Variants in MAP3K4 observed in about 807,000 individuals in gnomAD.
The protein encoded by MAP3K4 is MAP three kinase 1.
Under a neutral mutation model 185.6 loss-of-function variants are expected in MAP3K4, and 67 were observed. The ratio of observed to expected loss-of-function variants is 0.36; its 90% confidence interval spans 0.30 to 0.44. The LOEUF is 0.44. MAP3K4 is among the 20% of genes least tolerant of loss of function. The pLI is 1.00. For synonymous variants in MAP3K4, 702 were observed against 710.4 expected (o/e 0.99, Z 0.19); for missense variants, 1,551 against 1,995.1 (o/e 0.78, Z 4.24).
intron 2 of MAP3K4, among the ~76,000 whole-genome samples, chr6:161,040,442 A>G (rs1472934895): frequency 3.3e-5 from 5 of 152,178 alleles, no homozygotes; most frequent in Admixed American, 3.3e-4. Flanking sequence ...TCAAAGCCCT[A>G]TTTATATTGC....
In MAP3K4 at chr6:161,093,800, A is replaced by G; in HGVS notation, c.3376A>G (p.Ile1126Val). 6.2e-7 allele frequency: 1 copy of G among 1,613,542 alleles called. No homozygotes were observed. Among genetic ancestry groups the G allele is most frequent in the Non-Finnish European group, 8.5e-7 (1 of 1,179,694 alleles). Residue 1126 changes from isoleucine to valine, a missense_variant, in exon 15 of 27, where the codon ATT (isoleucine) becomes GTT (valine). Ile to Val is a conservative substitution (Grantham distance 29). This residue lies in a region of MAP3K4 where 272 missense variants were observed against 301.2 expected (regional missense o/e 0.90). Coordinates refer to ENST00000392142, the MANE Select transcript of MAP3K4 (RefSeq NM_005922.4). This position sits in a 1 kb window ranked among gnomAD's most constrained non-coding sequence, Gnocchi z 5.2. ...TTTACAAGCCTTGATGAATGAATGC[A>G]TTGGCCATGTCATAGGAAAACCACA... ...LSLQALMNECIGHVIGKPHSP... is the reference protein window; with the variant it reads ...LSLQALMNECVGHVIGKPHSP...
At chr6:161,090,322 A>G (rs932983639) in intron 11 of MAP3K4, among the ~76,000 whole-genome samples, 5 of 152,214 alleles carry the variant, frequency 3.3e-5, no homozygotes, top group African/African-American at 1.2e-4. Flanking sequence ...ATTTGGAGCT[A>G]TTGTGATGTT....
intron 2 of MAP3K4, among the ~76,000 whole-genome samples, chr6:161,042,507 G>A (rs920546595): frequency 2.6e-5 from 4 of 152,082 alleles, no homozygotes; most frequent in African/African-American, 9.7e-5. Context: ...AACACCACAG[G>A]AGCTAGCTGC....
chr6:161,065,937 CAAAA>C (rs34648628), intron 3 of MAP3K4, among the ~76,000 whole-genome samples: 3 of 78,848 alleles, frequency 3.8e-5, no homozygotes, highest in Non-Finnish European at 2.4e-5. Context: ...GACTCCGTCT[CAAAA>C]AAAAAAAAAA....
intron 1 of MAP3K4, among the ~76,000 whole-genome samples, chr6:161,000,750 C>T (rs1276319213): frequency 6.6e-6 from 1 of 151,288 alleles, no homozygotes; most frequent in African/African-American, 2.4e-5. Context: ...TATATGTGTA[C>T]ACCCATCTGT....
At position 161,061,546 on chromosome 6, in the gene MAP3K4, C is replaced by T. The variant is rs1368794801; in HGVS notation, c.1708-9062C>T. Among the ~76,000 whole-genome samples the T allele has an allele frequency of 6.6e-6, 1 of 152,222 alleles. No individual in the cohort carries two copies. ...TGCAACCATCACCACTGCAACCATC[C>T]TCACTGTGTAACTTTGGAACATTTT... On this transcript the variant is annotated intron_variant, in intron 3 of 26. Coordinates refer to ENST00000392142, the MANE Select transcript of MAP3K4 (RefSeq NM_005922.4). This position sits in a 1 kb window ranked among gnomAD's most constrained non-coding sequence, Gnocchi z 4.2.
chr6:161,109,947 A>G lies in MAP3K4; in HGVS notation c.4396+33A>G. On this transcript the variant is annotated intron_variant, in intron 23 of 26. Transcript: ENST00000392142. The surrounding 1 kb of genome is among the most constrained non-coding windows in gnomAD (Gnocchi z 5.7). ...CACACCCGCCTGGCTGCTGTGGGCCAGAGCCACTGGTACCCAGCCCGTGGG... is the reference window on the plus strand; with the variant it reads ...CACACCCGCCTGGCTGCTGTGGGCCGGAGCCACTGGTACCCAGCCCGTGGG... The G allele has an allele frequency of 5.6e-6, 9 of 1,611,176 alleles. No individual in the cohort carries two copies. The highest frequency in any genetic ancestry group is 7.6e-6 in the Non-Finnish European group (9 of 1,178,532).
In MAP3K4 at chr6:161,115,083, G is replaced by A. The variant is rs746743082; in HGVS notation, c.4627-40G>A. ...GAACATTTGCGTTGTTTGTGGCTGT[G>A]TAATATTAAAATCTGATTTTTTAAA... On this transcript the variant is annotated intron_variant, in intron 25 of 26. Transcript: ENST00000392142. This position sits in a 1 kb window ranked among gnomAD's most constrained non-coding sequence, Gnocchi z 6.0. 1.6e-4 allele frequency: 243 copies of A among 1,545,416 alleles called. 4 individuals are homozygous for A. In the South Asian group the frequency reaches 2.5e-3, roughly 16 times the overall value.
In MAP3K4 at chr6:161,073,743, T is replaced by A; in HGVS notation, c.2097+131T>A. 2 of 919,168 alleles carry A rather than the reference T, an allele frequency of 2.2e-6. No individual in the cohort carries two copies. The highest frequency in any genetic ancestry group is 3.1e-6 in the Non-Finnish European group (2 of 637,682). 56.9% of individuals were successfully genotyped at this position (919,168 alleles called of 1,614,324 possible). ...GATAAACTTCTCTAGTAATGAATTA[T>A]AGAAATGATCCCTGAAAGTATAGCT... On this transcript the variant is annotated intron_variant, in intron 5 of 26. Transcript: ENST00000392142. This position sits in a 1 kb window ranked among gnomAD's most constrained non-coding sequence, Gnocchi z 4.2.
In MAP3K4 at chr6:161,058,137, G is replaced by A. The variant is rs187636585; in HGVS notation, c.1707+8158G>A. ...GTGGCAGAGCCAGGATATGAACCCA[G>A]AGCTCTGGCTGTAAAGCCATGTATG... On this transcript the variant is annotated intron_variant, in intron 3 of 26. Coordinates refer to ENST00000392142, the MANE Select transcript of MAP3K4 (RefSeq NM_005922.4). 2.0e-5 allele frequency among the ~76,000 whole-genome samples: 3 copies of A among 152,370 alleles called. No homozygotes were observed. In the East Asian group the frequency reaches 5.8e-4, roughly 29 times the overall value.
chr6:161,092,059 T>C lies in MAP3K4; in HGVS notation c.3185T>C (p.Ile1062Thr), dbSNP rs200509406. The C allele has an allele frequency of 1.7e-4, 269 of 1,613,528 alleles. No individual in the cohort carries two copies. Among genetic ancestry groups the C allele is most frequent in the Non-Finnish European group, 2.2e-4 (264 of 1,179,612 alleles). Residue 1062 changes from isoleucine (I) to threonine (T), a missense_variant, in exon 13 of 27, where the codon ATA becomes ACA. By Grantham distance (89) the Ile-to-Thr change is moderately conservative (BLOSUM62 -1). Coordinates refer to ENST00000392142, the MANE Select transcript of MAP3K4 (RefSeq NM_005922.4). Reference sequence around the variant, plus strand: ...ATGTCTGGGGAGTTTAGACAGAAGATAGGAGACAAATATATAAGCTTTGCC... The same window carrying C: ...ATGTCTGGGGAGTTTAGACAGAAGACAGGAGACAAATATATAAGCTTTGCC... ...RLMSGEFRQK[I>T]GDKYISFARK...
chr6:161,083,502 T>C (rs1785554268), intron 6 of MAP3K4, among the ~76,000 whole-genome samples: 2 of 152,190 alleles, frequency 1.3e-5, no homozygotes, highest in Non-Finnish European at 2.9e-5. Context: ...TCTTTGCTTA[T>C]CAAACGCCAA....
chr6:161,116,885 T>C lies in MAP3K4; in HGVS notation c.*15T>C. 2 of 1,612,840 alleles carry C rather than the reference T, an allele frequency of 1.2e-6. No homozygotes were observed. The highest frequency in any genetic ancestry group is 1.7e-6 in the Non-Finnish European group (2 of 1,178,792). On this transcript the variant is annotated 3_prime_UTR_variant, in exon 27 of 27. Coordinates refer to ENST00000392142, the MANE Select transcript of MAP3K4 (RefSeq NM_005922.4). This position sits in a 1 kb window ranked among gnomAD's most constrained non-coding sequence, Gnocchi z 6.2. Reference sequence around the variant, plus strand: ...ATGAAGAATGAAGCCTAGTAGAATATGGACTTGGAAAATTCTCTTAATCAC... The same window carrying C: ...ATGAAGAATGAAGCCTAGTAGAATACGGACTTGGAAAATTCTCTTAATCAC...
chr6:161,083,081 A>G (rs1029265123), intron 6 of MAP3K4, among the ~76,000 whole-genome samples: 1 of 152,102 alleles, frequency 6.6e-6, no homozygotes, highest in East Asian at 1.9e-4. Flanking sequence ...CGGGCCAGGC[A>G]TGTTCCAGCC....
rs767779269 is a variant in MAP3K4 at position 160,996,279 on chromosome 6, A to C, written c.152+4196A>C. Among the ~76,000 whole-genome samples the C allele has an allele frequency of 2.3e-4, 35 of 152,212 alleles. No homozygotes were observed. Among genetic ancestry groups the C allele is most frequent in the Non-Finnish European group, 1.5e-4 (10 of 68,042 alleles). ...GGAGTCACCAAACAGCAGTGATGGCAGAAACTTCATGTTTTCAACTGGGGA... is the reference window on the plus strand; with the variant it reads ...GGAGTCACCAAACAGCAGTGATGGCCGAAACTTCATGTTTTCAACTGGGGA... On this transcript the variant is annotated intron_variant, in intron 1 of 26. Transcript: ENST00000392142. This position sits in a 1 kb window ranked among gnomAD's most constrained non-coding sequence, Gnocchi z 4.5.
chr6:161,091,485 C>A lies in MAP3K4; in HGVS notation c.3080C>A (p.Thr1027Asn), dbSNP rs1425417492. The A allele has an allele frequency of 1.9e-6, 3 of 1,613,954 alleles. No homozygotes were observed. In the Admixed American group the frequency reaches 5.0e-5, roughly 27 times the overall value. The change falls in exon 12 of 27, where the codon ACC becomes AAC. Residue 1027 changes from threonine (T) to asparagine (N), a missense_variant. Around this residue, in one of 16 missense-constraint regions of MAP3K4, gnomAD observed 261 missense variants for 306.5 expected, o/e 0.85. Transcript: ENST00000392142. The surrounding 1 kb of genome is among the most constrained non-coding windows in gnomAD (Gnocchi z 5.5). ...DAEVDESESV[T>N]LQQYYREAMI... ...GAGGTTGATGAATCTGAATCTGTCA[C>A]CTTGCAACAGTACTACCGAGAAGCA...
chr6:161,000,266 C>T (rs745825771), intron 1 of MAP3K4, among the ~76,000 whole-genome samples: 1 of 152,122 alleles, frequency 6.6e-6, no homozygotes, highest in South Asian at 2.1e-4. Context: ...TAGGTTGTGA[C>T]CCTCAGTTTT....
intron 3 of MAP3K4, among the ~76,000 whole-genome samples, chr6:161,058,578 A>G (rs990766064): frequency 1.3e-5 from 2 of 152,150 alleles, no homozygotes; most frequent in African/African-American, 4.8e-5. Flanking sequence ...GTCCTCTGTC[A>G]CTGCTCAGAG....
Position 161,106,435 on chromosome 6 carries a change from C to G in MAP3K4, c.3857-79C>G. The G allele has an allele frequency of 2.0e-6, 2 of 991,670 alleles. No individual in the cohort carries two copies. Among genetic ancestry groups the G allele is most frequent in the Non-Finnish European group, 3.0e-6 (2 of 666,068 alleles). The allele number at this position is 991,670 out of a possible 1,614,324, so 61.4% of individuals were successfully genotyped here. On this transcript the variant is annotated intron_variant, in intron 19 of 26. Transcript: ENST00000392142. This position sits in a 1 kb window ranked among gnomAD's most constrained non-coding sequence, Gnocchi z 4.9. ...TAATGGAGTGCTAATATATATTGCT[C>G]TATTTTTATTGGTTTGTCTTTTGGA... is the stretch of plus-strand genomic sequence containing the variant.
Sources: allele counts gnomAD v4.1 joint callset (sites outside exome capture counted in the v4.1 genomes callset), GRCh38; gene constraint gnomAD v4.1.1; regional missense constraint gnomAD v4.1.1; non-coding constraint Gnocchi (gnomAD v3.1); transcripts MANE v1.5; gene names NCBI Gene and HGNC (gene_info 2026-07-23, HGNC 2026-07-21).